Variants in RAPGEF5 observed in about 807,000 individuals in gnomAD.
The protein encoded by RAPGEF5 is M-Ras-regulated GEF.
In RAPGEF5, 65 loss-of-function variants were observed where a neutral mutation model predicts 125.2. The ratio of observed to expected loss-of-function variants is 0.52; its 90% CI spans 0.43 to 0.64. The LOEUF (loss-of-function observed/expected upper bound fraction) is 0.64. RAPGEF5 is among the 30% of genes least tolerant of loss of function. The pLI is 0.00. For synonymous variants in RAPGEF5, 391 were observed against 385.9 expected (o/e 1.01, Z -0.16); for missense variants, 958 against 1,048.1 (o/e 0.91, Z 1.19).
intron 1 of RAPGEF5, among the ~76,000 whole-genome samples, chr7:22,351,273 C>A (rs1375662052): frequency 6.6e-6 from 1 of 152,118 alleles, no homozygotes; most frequent in Non-Finnish European, 1.5e-5. Context: ...TCCCCACTTC[C>A]CCTAAACCCA....
intron 6 of RAPGEF5, among the ~76,000 whole-genome samples, chr7:22,287,917 C>T (rs1482281422): frequency 6.6e-6 from 1 of 152,174 alleles, no homozygotes; most frequent in South Asian, 2.1e-4. Flanking sequence ...AGAATCAAGG[C>T]CCTTAATCTC....
At chr7:22,220,075 A>G (rs1438134202) in intron 8 of RAPGEF5, 84 bp from the exon 9 acceptor site, 4 of 1,489,946 alleles carry the variant, frequency 2.7e-6, no homozygotes, top group Non-Finnish European at 3.7e-6. Flanking sequence ...CCTTATAATA[A>G]GCTCATCTTT....
intron 5 of RAPGEF5, among the ~76,000 whole-genome samples, chr7:22,306,167 C>G (rs1783335033): frequency 2.0e-5 from 3 of 152,346 alleles, no homozygotes; most frequent in African/African-American, 7.2e-5. Flanking sequence ...TTCCCACCAA[C>G]AGTGTACAAG....
chr7:22,139,312 C>A (rs2128103061), intron 21 of RAPGEF5, among the ~76,000 whole-genome samples: 1 of 152,104 alleles, frequency 6.6e-6, no homozygotes, highest in Non-Finnish European at 1.5e-5. Context: ...AGAAGTGGTA[C>A]ATAGGGAGGT....
At chr7:22,235,538 G>A (rs1786164929) in intron 7 of RAPGEF5, among the ~76,000 whole-genome samples, 1 of 152,170 alleles carries the variant, frequency 6.6e-6, no homozygotes, top group African/African-American at 2.4e-5. Context: ...AGATCAAAAT[G>A]TTTTGCAACT....
At chr7:22,208,583 C>T (rs1785445341) in intron 9 of RAPGEF5, among the ~76,000 whole-genome samples, 4 of 152,192 alleles carry the variant, frequency 2.6e-5, no homozygotes, top group Admixed American at 2.6e-4. Flanking sequence ...GTGTCTCTGG[C>T]TCATCACACT....
chr7:22,183,268 CAAAAAAAAAAAAA>C (rs757079018), intron 11 of RAPGEF5, among the ~76,000 whole-genome samples: 1,057 of 31,014 alleles, frequency 0.034, 31 homozygotes, highest in African/African-American at 0.081. Context: ...GACTCCATCA[CAAAAAAAAAAAAA>C]AAAAAAAAAA....
At chr7:22,139,603 G>T (rs1562711187) in intron 21 of RAPGEF5, among the ~76,000 whole-genome samples, 1 of 152,248 alleles carries the variant, frequency 6.6e-6, no homozygotes, top group African/African-American at 2.4e-5. Context: ...TTAAGAAAAA[G>T]AATATTAAAA....
chr7:22,247,644 C>T (rs1041460790), intron 7 of RAPGEF5, among the ~76,000 whole-genome samples: 13 of 151,998 alleles, frequency 8.6e-5, no homozygotes, highest in Non-Finnish European at 1.6e-4. Context: ...CATTAATCCT[C>T]TTTTTCTTTA....
chr7:22,205,711 G>A (rs1237074540), intron 9 of RAPGEF5, among the ~76,000 whole-genome samples: 1 of 152,198 alleles, frequency 6.6e-6, no homozygotes, highest in African/African-American at 2.4e-5. Flanking sequence ...GTAAGAGCTA[G>A]CATTTCCTTC....
chr7:22,192,430 G>A (rs1038400336), intron 11 of RAPGEF5: 1 of 152,152 alleles, frequency 6.6e-6, no homozygotes, highest in East Asian at 1.9e-4. Context: ...AAACTCCAGG[G>A]ACACAAGGAA....
chr7:22,168,362 C>A (rs1408297671), intron 11 of RAPGEF5, among the ~76,000 whole-genome samples: 1 of 152,212 alleles, frequency 6.6e-6, no homozygotes, highest in Non-Finnish European at 1.5e-5. Flanking sequence ...CCTCACCAGA[C>A]ACTGAATCTG....
chr7:22,343,066 C>CA (rs1281528590), intron 1 of RAPGEF5, among the ~76,000 whole-genome samples: 2 of 152,256 alleles, frequency 1.3e-5, no homozygotes, highest in Admixed American at 6.5e-5. Flanking sequence ...GGGCAATTTA[C>CA]AAAAGAAAGA....
At chr7:22,319,104 A>C (rs1179202083) in intron 1 of RAPGEF5, among the ~76,000 whole-genome samples, 1 of 152,202 alleles carries the variant, frequency 6.6e-6, no homozygotes, top group African/African-American at 2.4e-5. Context: ...ACCATCACCT[A>C]CATACGCTTA....
chr7:22,151,356 CT>C (rs1175406524), intron 17 of RAPGEF5, among the ~76,000 whole-genome samples: 1 of 151,862 alleles, frequency 6.6e-6, no homozygotes, highest in Non-Finnish European at 1.5e-5. Context: ...TTGATACAAA[CT>C]ACCAAATTGT....
intron 4 of RAPGEF5, 50 bp from the exon 5 acceptor site, chr7:22,308,557 A>G: frequency 7.6e-7 from 1 of 1,314,302 alleles, no homozygotes. Context: ...GATATTACTC[A>G]GAGAGTAATA....
intron 9 of RAPGEF5, among the ~76,000 whole-genome samples, chr7:22,211,959 TTC>T (rs200759889): frequency 0.06 from 6,973 of 116,452 alleles, 274 homozygotes; most frequent in South Asian, 0.19. Flanking sequence ...ATCACATGTG[TTC>T]TCTTTTTTTT....
At chr7:22,310,272 G>A (rs961506297) in intron 3 of RAPGEF5, among the ~76,000 whole-genome samples, 182 bp from the exon 4 acceptor site, 3 of 152,202 alleles carry the variant, frequency 2.0e-5, no homozygotes, top group Non-Finnish European at 4.4e-5. Flanking sequence ...CACTTCCTTA[G>A]GGAAACAAGA....
At chr7:22,167,695 G>A (rs1017942102) in intron 11 of RAPGEF5, among the ~76,000 whole-genome samples, 4 of 152,194 alleles carry the variant, frequency 2.6e-5, no homozygotes, top group Non-Finnish European at 5.9e-5. Flanking sequence ...AAAGTGATGA[G>A]TGATTTTCTT....
Sources: allele counts gnomAD v4.1 joint callset (sites outside exome capture counted in the v4.1 genomes callset), GRCh38; gene constraint gnomAD v4.1.1; transcripts MANE v1.5; gene names NCBI Gene and HGNC (gene_info 2026-07-23, HGNC 2026-07-21).